Variants in GRM5 observed in about 807,000 individuals in gnomAD.
GRM5 encodes the protein glutamate metabotropic receptor 5.
A neutral mutation model predicts 83.1 loss-of-function variants in GRM5; 19 were observed. The observed-to-expected ratio is 0.23, with a 90% CI of 0.16 to 0.34. GRM5 has a LOEUF of 0.34. Ranked by LOEUF, GRM5 falls within the 10% of genes least tolerant of loss-of-function variation. GRM5 has a pLI of 1.00. For synonymous variants in GRM5, 675 were observed against 633.6 expected, an observed-to-expected ratio of 1.07 and a Z score of -0.98; for missense variants, 1,160 against 1,588.3, an observed-to-expected ratio of 0.73 and a Z score of 4.58.
chr11:89,057,019 A>ACACTATAT (rs1200181585), intron 1 of GRM5, among the ~76,000 whole-genome samples: 1 of 152,206 alleles, frequency 6.6e-6, no homozygotes, highest in Non-Finnish European at 1.5e-5. Context: ...ATTGCAATCT[A>ACACTATAT]CACTATATAA....
chr11:88,516,934 A>T (rs1447914339), intron 9 of GRM5, among the ~76,000 whole-genome samples: 1 of 152,002 alleles, frequency 6.6e-6, no homozygotes, highest in Non-Finnish European at 1.5e-5. Flanking sequence ...GACCCTTAAA[A>T]ATTAATTGGG....
At position 88,845,130 on chromosome 11, in the gene GRM5, C is replaced by T. The variant is rs930337821; in HGVS notation, c.911+4776G>A. ...CAACATTTCATGCTACAGATAAATA[C>T]CACTTCCTTTTGTGAAAGGAAGACT... On this transcript the variant is annotated intron_variant, in intron 3 of 9. Transcript: ENST00000305447. 1.1e-4 allele frequency among the ~76,000 whole-genome samples: 16 copies of T among 152,258 alleles called. 1 individual carries two copies. In the South Asian group the frequency reaches 1.7e-3, roughly 16 times the overall value.
chr11:88,877,056 T>A (rs902629807), intron 2 of GRM5, among the ~76,000 whole-genome samples: 4 of 152,012 alleles, frequency 2.6e-5, no homozygotes, highest in African/African-American at 9.7e-5. Flanking sequence ...GGTTACCAGA[T>A]GCTGGAAAGA....
intron 3 of GRM5, among the ~76,000 whole-genome samples, chr11:88,776,434 T>C (rs1406440836): frequency 6.6e-6 from 1 of 152,224 alleles, no homozygotes; most frequent in Admixed American, 6.5e-5. Flanking sequence ...TTAGACCATT[T>C]ACATTTAAGG....
intron 5 of GRM5, among the ~76,000 whole-genome samples, chr11:88,602,070 A>AT (rs1938014210): frequency 8.1e-5 from 3 of 36,962 alleles, no homozygotes; most frequent in South Asian, 1.6e-3. Context: ...AGAGCTCTGA[A>AT]ATTTTTTTTT....
At chr11:88,541,569 G>C (rs994580252) in intron 8 of GRM5, among the ~76,000 whole-genome samples, 1 of 152,112 alleles carries the variant, frequency 6.6e-6, no homozygotes, top group African/African-American at 2.4e-5. Context: ...CCTGAGATGG[G>C]CAATATATTA....
chr11:88,512,168 A>T (rs1253796574), intron 9 of GRM5: 2 of 154,366 alleles, frequency 1.3e-5, no homozygotes, highest in Non-Finnish European at 2.9e-5. Context: ...CCTCTAGGTG[A>T]GTGTGTGATG....
intron 2 of GRM5, among the ~76,000 whole-genome samples, chr11:88,926,078 C>A (rs1945783503): frequency 1.3e-5 from 2 of 152,156 alleles, no homozygotes; most frequent in South Asian, 4.1e-4. Flanking sequence ...CACTGATTGA[C>A]CAGCTATTAT....
chr11:88,914,423 A>G (rs1235595314), intron 2 of GRM5, among the ~76,000 whole-genome samples: 1 of 152,182 alleles, frequency 6.6e-6, no homozygotes, highest in Admixed American at 6.6e-5. Flanking sequence ...AAAGATATAA[A>G]CCAGAGGCCT....
At chr11:88,531,897 G>C (rs1942018850) in intron 8 of GRM5, among the ~76,000 whole-genome samples, 1 of 151,974 alleles carries the variant, frequency 6.6e-6, no homozygotes. Context: ...GGAGCATTGT[G>C]CTAAGCCTTG....
chr11:89,062,283 C>A (rs1407612725), intron 1 of GRM5, among the ~76,000 whole-genome samples: 1 of 152,220 alleles, frequency 6.6e-6, no homozygotes, highest in Non-Finnish European at 1.5e-5. Context: ...CAAGAGGTAG[C>A]ATACCTGAAC....
chr11:88,629,207 G>C (rs1032269874), intron 4 of GRM5, among the ~76,000 whole-genome samples: 4 of 152,080 alleles, frequency 2.6e-5, no homozygotes, highest in African/African-American at 9.7e-5. Context: ...TATTGGTAGC[G>C]GCAAAATTCT....
intron 3 of GRM5, among the ~76,000 whole-genome samples, chr11:88,776,624 C>T (rs976293439): frequency 6.6e-5 from 10 of 152,082 alleles, no homozygotes; most frequent in Non-Finnish European, 1.2e-4. Flanking sequence ...GCTCTTGTAA[C>T]GCAGGCCTGG....
Position 89,009,156 on chromosome 11 carries a change from T to G in GRM5, c.661+38056A>C. ...TAAGATAAGCAAAGGTTTTATAAGT[T>G]AATTTTAAGTGTATAAATGAATAAA... On this transcript the variant is annotated intron_variant, in intron 2 of 9. Transcript: ENST00000305447. The G allele has an allele frequency of 5.8e-6, 4 of 694,820 alleles. No individual in the cohort carries two copies. The Admixed American group carries it at 6.8e-5, about 12-fold the overall frequency. The allele number at this position is 694,820 out of a possible 1,614,324, so 43.0% of individuals were successfully genotyped here.
chr11:88,775,308 G>A (rs1238363945), intron 3 of GRM5, among the ~76,000 whole-genome samples: 4 of 151,790 alleles, frequency 2.6e-5, no homozygotes, highest in Non-Finnish European at 5.9e-5. Context: ...ATTTTTTATT[G>A]CATCTATTTG....
chr11:88,534,460 T>C (rs1942088921), intron 8 of GRM5, among the ~76,000 whole-genome samples: 1 of 152,204 alleles, frequency 6.6e-6, no homozygotes, highest in Non-Finnish European at 1.5e-5. Flanking sequence ...TGGTGGATTT[T>C]GGACTTACAT....
chr11:88,907,064 C>G (rs1945416199), intron 2 of GRM5, among the ~76,000 whole-genome samples: 1 of 151,776 alleles, frequency 6.6e-6, no homozygotes, highest in African/African-American at 2.4e-5. Flanking sequence ...AGCAGATACC[C>G]AAGTTCAATT....
At chr11:88,829,680 C>CA (rs148583869) in intron 3 of GRM5, among the ~76,000 whole-genome samples, 3,867 of 152,128 alleles carry the variant, frequency 0.025, 172 homozygotes, top group African/African-American at 0.089. Context: ...TCATCTATCT[C>CA]AAGGACCTCG....
intron 3 of GRM5, among the ~76,000 whole-genome samples, chr11:88,697,266 G>T (rs1267492361): frequency 5.9e-5 from 9 of 152,294 alleles, no homozygotes; most frequent in Non-Finnish European, 7.4e-5. Flanking sequence ...GCAGCTGACA[G>T]AAGGCAGTTT....
Sources: allele counts gnomAD v4.1 joint callset (sites outside exome capture counted in the v4.1 genomes callset), GRCh38; gene constraint gnomAD v4.1.1; transcripts MANE v1.5; gene names NCBI Gene and HGNC (gene_info 2026-07-23, HGNC 2026-07-21).